The following WNK2 variants were observed in gnomAD, a reference collection of about 807,000 sequenced individuals.
WNK2 encodes serine/threonine-protein kinase WNK2.
In WNK2, 67 loss-of-function variants were observed where a neutral mutation model predicts 192.1. The ratio of observed to expected loss-of-function variants is 0.35; its 90% CI spans 0.29 to 0.43. WNK2 has a LOEUF of 0.43. Among genes scored for constraint, WNK2 ranks in the 20% least tolerant of loss-of-function variants. WNK2 has a pLI of 1.00. For synonymous variants in WNK2, 1,439 were observed against 1,393.9 expected, an observed-to-expected ratio of 1.03 and a Z score of -0.72; for missense variants, 2,698 against 3,089.7, an observed-to-expected ratio of 0.87 and a Z score of 3.01.
rs113916970 is a variant in WNK2 at position 93,234,766 on chromosome 9, C to T, written c.1076-42C>T. 1.3e-4 allele frequency: 201 copies of T among 1,592,592 alleles called. No individual in the cohort carries two copies. The African/African-American group carries it at 2.1e-3, about 17-fold the overall frequency. ...ACACTGGCTCCAGCTCTTCCTGGGC[C>T]CGTGGCCAGCTGACAGCTGCGTCTG... On this transcript the variant is annotated intron_variant, in intron 4 of 29. Coordinates refer to ENST00000427277, the MANE Select transcript of WNK2 (RefSeq NM_006648.4).
chr9:93,268,223 G>A (rs1374750201), intron 18 of WNK2, among the ~76,000 whole-genome samples, 158 bp downstream of exon 18: 1 of 152,212 alleles, frequency 6.6e-6, no homozygotes, highest in Non-Finnish European at 1.5e-5. Flanking sequence ...CCGAGGAGCT[G>A]TCACCTGCAA....
intron 26 of WNK2, among the ~76,000 whole-genome samples, chr9:93,304,838 T>G (rs2134183614): frequency 6.6e-6 from 1 of 152,288 alleles, no homozygotes; most frequent in Admixed American, 6.5e-5. Flanking sequence ...CTTGAAAGAC[T>G]GGCACCCATC....
intron 23 of WNK2, among the ~76,000 whole-genome samples, chr9:93,297,074 C>T (rs953509407): frequency 2.2e-5 from 3 of 138,784 alleles, no homozygotes; most frequent in African/African-American, 8.4e-5. Context: ...CCCTCCACAT[C>T]CTCTTCTCGG....
chr9:93,271,818 C>G (rs1460846619), intron 19 of WNK2, among the ~76,000 whole-genome samples: 1 of 152,210 alleles, frequency 6.6e-6, no homozygotes, highest in Non-Finnish European at 1.5e-5. Context: ...ATTCTAGAAG[C>G]TAAGCAGACC....
In WNK2 at chr9:93,319,070, G is replaced by A. The variant is rs751314524; in HGVS notation, c.6629-1297G>A. The A allele has an allele frequency of 3.7e-6, 6 of 1,612,458 alleles. No individual in the cohort carries two copies. In the East Asian group the frequency reaches 6.7e-5, roughly 18 times the overall value. On this transcript the variant is annotated intron_variant, in intron 29 of 29. Coordinates refer to ENST00000427277, the MANE Select transcript of WNK2 (RefSeq NM_006648.4). Reference sequence around the variant, plus strand: ...TCTCTGTACTGGGCCCCCTTGCCCTGTTCCTTGAGTGAAGTGGGGGCTGCC... The same window carrying A: ...TCTCTGTACTGGGCCCCCTTGCCCTATTCCTTGAGTGAAGTGGGGGCTGCC...
rs1451413256 is a variant in WNK2, at chr9:93,292,828, T to C, written c.5363T>C (p.Val1788Ala). The change falls in exon 23 of 30, where the codon GTG (valine) becomes GCG (alanine). Residue 1788 changes from valine to alanine, a missense_variant. By Grantham distance (64) the Val-to-Ala change is moderately conservative. Coordinates refer to ENST00000427277, the MANE Select transcript of WNK2 (RefSeq NM_006648.4). ...TCCAGCCCCGACGTGAAGCTGGCAG[T>C]GCGGCGGGCGCAGACGGCCTCCTCC... ...APSSPDVKLA[V>A]RRAQTASSIE... 1 of 1,512,934 alleles carries C rather than the reference T, an allele frequency of 6.6e-7. No individual in the cohort carries two copies. 93.7% of individuals were successfully genotyped at this position (1,512,934 alleles called of 1,614,324 possible).
At position 93,267,773 on chromosome 9, in the gene WNK2, G is replaced by C; in HGVS notation, c.3724G>C (p.Glu1242Gln). ...GGAGCATGACTTTATCCTGCAGGCC[G>C]AGCGGGAAACGTTCATCGAGCAGAT... ...MVEHDFILQA[E>Q]RETFIEQMKD... Residue 1242 changes from glutamate to glutamine, a missense_variant, in exon 17 of 30, where the codon GAG (glutamate) becomes CAG (glutamine). Transcript: ENST00000427277. The C allele has an allele frequency of 6.2e-7, 1 of 1,607,274 alleles. No individual in the cohort carries two copies.
At chr9:93,267,626 A>T in intron 16 of WNK2, 120 bp from the exon 17 acceptor site, 1 of 1,208,178 alleles carries the variant, frequency 8.3e-7, no homozygotes. Flanking sequence ...TGGGGACTGC[A>T]CCCTTTCACC....
chr9:93,220,593 G>A (rs1261871389), intron 2 of WNK2, among the ~76,000 whole-genome samples: 1 of 152,202 alleles, frequency 6.6e-6, no homozygotes, highest in African/African-American at 2.4e-5. Context: ...TGGGCAGAGG[G>A]TTGGGTCTCC....
Position 93,268,194 on chromosome 9 carries a change from C to G in WNK2, c.3913+129C>G, listed in dbSNP as rs529158506. 3.2e-6 allele frequency: 4 copies of G among 1,238,370 alleles called. No homozygotes were observed. In the East Asian group the frequency reaches 7.6e-5, roughly 24 times the overall value. 76.7% of individuals were successfully genotyped at this position (1,238,370 alleles called of 1,614,324 possible). A position where few individuals can be genotyped will look rare whatever the true frequency, so the allele number is the denominator to read the frequency against. On this transcript the variant is annotated intron_variant, in intron 18 of 29. Transcript: ENST00000427277. ...GCATGTGGTGACCAGGGGCCCCAGT[C>G]TGGGGACAGCTGCCCTGTCCGAGGA...
Position 93,292,887 on chromosome 9 carries a change from G to A in WNK2, c.5422G>A (p.Asp1808Asn), listed in dbSNP as rs780631229. Residue 1808 changes from aspartate (D) to asparagine (N), a missense_variant, in exon 23 of 30, where the codon GAC becomes AAC. Transcript: ENST00000427277. The part of the protein sequence containing the change: ...EVGVGEPVSS[D>N]SGDEGPRARP... ...CGGCGTGGGCGAGCCCGTGTCCAGCGACTCTGGGGACGAGGGCCCTCGGGC... is the reference window on the plus strand; with the variant it reads ...CGGCGTGGGCGAGCCCGTGTCCAGCAACTCTGGGGACGAGGGCCCTCGGGC... 6.6e-6 allele frequency: 10 copies of A among 1,513,820 alleles called. No homozygotes were observed. The highest frequency in any genetic ancestry group is 2.8e-5 in the African/African-American group (2 of 72,202). The allele number at this position is 1,513,820 out of a possible 1,614,324, so 93.8% of individuals were successfully genotyped here.
In WNK2 at chr9:93,247,644, C is replaced by T. The variant is rs758231667; in HGVS notation, c.1644C>T (p.Pro548=). ...AGTGGCGGCGGGAGAGGATCTGGCCCGCGCTGCAGCCCAAGGAGCAGCAGG... is the reference window on the plus strand; with the variant it reads ...AGTGGCGGCGGGAGAGGATCTGGCCTGCGCTGCAGCCCAAGGAGCAGCAGG... The part of the protein sequence containing the change: ...LIQWRRERIW[P]ALQPKEQQDV... The change falls in exon 8 of 30, where the codon CCC becomes CCT. Residue 548 remains proline (P), a synonymous_variant. Transcript: ENST00000427277. This position sits in a 1 kb window ranked among gnomAD's most constrained non-coding sequence, Gnocchi z 5.2. The T allele has an allele frequency of 4.3e-5, 68 of 1,586,852 alleles. No individual in the cohort carries two copies. The highest frequency in any genetic ancestry group is 9.4e-5 in the African/African-American group (7 of 74,486).
chr9:93,230,742 G>T, intron 3 of WNK2, 146 bp from the exon 4 acceptor site: 1 of 791,968 alleles, frequency 1.3e-6, no homozygotes, highest in Non-Finnish European at 2.0e-6. Context: ...CGGCCCTCCC[G>T]TCTCACCTTC....
chr9:93,291,029 CA>C (rs1382880424), intron 21 of WNK2, among the ~76,000 whole-genome samples: 1 of 152,188 alleles, frequency 6.6e-6, no homozygotes, highest in African/African-American at 2.4e-5. Context: ...AGTCCCAGGC[CA>C]CATTTATTTC....
Position 93,268,878 on chromosome 9 carries a change from C to T in WNK2, c.4033+132C>T, listed in dbSNP as rs78743606. The stretch of plus-strand genomic sequence containing the variant: ...GCTCACCCTGCCCTGTCTCCCATGG[C>T]GCAGAGCAGCCTGTGGGGCTGTGTT... On this transcript the variant is annotated intron_variant, in intron 19 of 29. Coordinates refer to ENST00000427277, the MANE Select transcript of WNK2 (RefSeq NM_006648.4). The T allele has an allele frequency of 1.7e-4, 261 of 1,572,024 alleles. 1 individual carries two copies. In the East Asian group the frequency reaches 4.0e-3, roughly 24 times the overall value.
At chr9:93,225,914 A>ATGTTGTGTTGTGTTG (rs35020803) in intron 2 of WNK2, among the ~76,000 whole-genome samples, 2,087 of 150,964 alleles carry the variant, frequency 0.014, 41 homozygotes, top group African/African-American at 0.037. Context: ...CTGTTGTGTT[A>ATGTTGTGTTGTGTTG]TGTTGTGTTG....
At chr9:93,308,272 G>T in intron 27 of WNK2, 56 bp from the exon 28 acceptor site, 1 of 1,518,040 alleles carries the variant, frequency 6.6e-7, no homozygotes, top group Non-Finnish European at 8.9e-7. Context: ...CCAGCCCACT[G>T]GGGGCCTGGG....
At chr9:93,199,940 G>A (rs990482051) in intron 2 of WNK2, among the ~76,000 whole-genome samples, 3 of 149,270 alleles carry the variant, frequency 2.0e-5, no homozygotes, top group African/African-American at 7.4e-5. Context: ...AGAAGAGCTA[G>A]GATGGGGGGG....
At chr9:93,256,076 A>T (rs1002216335) in intron 9 of WNK2, among the ~76,000 whole-genome samples, 2 of 152,084 alleles carry the variant, frequency 1.3e-5, no homozygotes, top group African/African-American at 2.4e-5. Context: ...TGTGGGGCTG[A>T]TGTGCCCGGG....
Sources: allele counts gnomAD v4.1 joint callset (sites outside exome capture counted in the v4.1 genomes callset), GRCh38; gene constraint gnomAD v4.1.1; non-coding constraint Gnocchi (gnomAD v3.1); transcripts MANE v1.5; gene names NCBI Gene and HGNC (gene_info 2026-07-23, HGNC 2026-07-21).